NUP153: variants seen among roughly 807,000 people sequenced by gnomAD.
NUP153 encodes the protein nuclear pore complex protein Nup153.
In NUP153, 27 loss-of-function variants were observed where a neutral mutation model predicts 134.6. The observed-to-expected ratio is 0.20, with a 90% CI of 0.15 to 0.28. The LOEUF (loss-of-function observed/expected upper bound fraction) is 0.28, where lower values mean the gene tolerates loss of function less well. Among genes scored for constraint, NUP153 ranks in the 10% least tolerant of loss-of-function variants. NUP153 has a pLI of 1.00. For synonymous variants in NUP153, 640 were observed against 623.5 expected, an observed-to-expected ratio of 1.03 and a Z score of -0.40; for missense variants, 1,821 against 1,731.3, an observed-to-expected ratio of 1.05 and a Z score of -0.92.
chr6:17,639,222 T>C (rs140178850), intron 15 of NUP153, among the ~76,000 whole-genome samples: 1,645 of 152,012 alleles, frequency 0.011, 33 homozygotes, highest in African/African-American at 0.036. Flanking sequence ...GAACTACAGG[T>C]GCATGCCAGG....
rs544739076 is a variant in NUP153, at chr6:17,675,547, A to G, written c.558T>C (p.Gly186=). ...HDDDNISTTS[G]FSSRASDKDI... is the part of the protein sequence containing the mutation. The stretch of plus-strand genomic sequence containing the variant: ...CTTTATCAGAAGCTCTTGAAGAAAA[A>G]CCACTGGTAGTTGAGATGTTATCAT... The change falls in exon 3 of 22, where the codon GGT becomes GGC. Residue 186 remains glycine, a synonymous_variant. Transcript: ENST00000262077. The surrounding 1 kb of genome is among the most constrained non-coding windows in gnomAD (Gnocchi z 4.4). The G allele has an allele frequency of 5.8e-5, 93 of 1,613,932 alleles. No individual in the cohort carries two copies. In the South Asian group the frequency reaches 9.9e-4, roughly 17 times the overall value.
chr6:17,683,450 A>G (rs989884059), intron 2 of NUP153, among the ~76,000 whole-genome samples: 1 of 152,216 alleles, frequency 6.6e-6, no homozygotes, highest in Non-Finnish European at 1.5e-5. Flanking sequence ...CTCTATGCAC[A>G]TCTCATTAGA....
intron 5 of NUP153, among the ~76,000 whole-genome samples, chr6:17,674,046 C>T (rs369107562): frequency 1.3e-5 from 2 of 152,220 alleles, no homozygotes; most frequent in East Asian, 3.9e-4. Context: ...ATCTCAAATG[C>T]ATTATGCTAA....
chr6:17,642,022 A>G (rs1765868156), intron 14 of NUP153, among the ~76,000 whole-genome samples: 2 of 152,214 alleles, frequency 1.3e-5, no homozygotes, highest in Non-Finnish European at 2.9e-5. Flanking sequence ...CAATTTAAAA[A>G]GTAGTAGGTA....
intron 21 of NUP153, 42 bp downstream of exon 21, chr6:17,616,485 T>C: frequency 6.4e-7 from 1 of 1,551,252 alleles, no homozygotes; most frequent in Non-Finnish European, 8.8e-7. Flanking sequence ...GCACATACCC[T>C]TACCAATGTA....
intron 1 of NUP153, among the ~76,000 whole-genome samples, chr6:17,693,245 C>T (rs985960455): frequency 1.3e-5 from 2 of 150,912 alleles, no homozygotes; most frequent in Non-Finnish European, 2.9e-5. Flanking sequence ...TGATGCTGTG[C>T]TGGTATCCAC....
At chr6:17,688,272 A>AT in intron 2 of NUP153, 124 bp downstream of exon 2, 1 of 667,374 alleles carries the variant, frequency 1.5e-6, no homozygotes, top group Non-Finnish European at 2.6e-6. Flanking sequence ...TTTGAACCTG[A>AT]TTATCATCCT....
intron 1 of NUP153, among the ~76,000 whole-genome samples, chr6:17,696,887 A>G (rs907347216): frequency 6.6e-6 from 1 of 152,256 alleles, no homozygotes; most frequent in African/African-American, 2.4e-5. Flanking sequence ...AGCCTGACCA[A>G]CATGGTGAAA....
rs181998324 is a variant in NUP153 at position 17,649,843 on chromosome 6, T to C, written c.1396-543A>G. The stretch of plus-strand genomic sequence containing the variant: ...TATGTATAAGAAAAAACACAGTATA[T>C]ACAGGGTTCAATATTATCTGCAGTT... On this transcript the variant is annotated intron_variant, in intron 11 of 21. Transcript: ENST00000262077. Among the ~76,000 whole-genome samples the C allele has an allele frequency of 3.7e-3, 563 of 152,342 alleles. 3 individuals are homozygous for C. The highest frequency in any genetic ancestry group is 5.6e-3 in the Non-Finnish European group (379 of 68,032).
At position 17,625,065 on chromosome 6, in the gene NUP153, C is replaced by G. The variant is rs571442314; in HGVS notation, c.3902-232G>C. ...ACAAAAACTGCAATTAACAACTACT[C>G]CACACCTTTACAGCCGACAATTTCT... is the stretch of plus-strand genomic sequence containing the variant. On this transcript the variant is annotated intron_variant, in intron 19 of 21. Transcript: ENST00000262077. The surrounding 1 kb of genome is among the most constrained non-coding windows in gnomAD (Gnocchi z 4.7). 4.6e-5 allele frequency among the ~76,000 whole-genome samples: 7 copies of G among 152,316 alleles called. No homozygotes were observed. Among genetic ancestry groups the G allele is most frequent in the African/African-American group, 1.7e-4 (7 of 41,576 alleles).
intron 11 of NUP153, 37 bp downstream of exon 11, chr6:17,661,616 A>G: frequency 6.3e-7 from 1 of 1,584,708 alleles, no homozygotes. Flanking sequence ...AATGCTTTTT[A>G]AATAAACCTC....
chr6:17,676,143 C>A (rs191917746), intron 2 of NUP153, among the ~76,000 whole-genome samples: 1 of 152,064 alleles, frequency 6.6e-6, no homozygotes, highest in Admixed American at 6.5e-5. Flanking sequence ...AAGTTTTACC[C>A]GTATTTTGAT....
chr6:17,681,560 C>T (rs576476659), intron 2 of NUP153, among the ~76,000 whole-genome samples: 7 of 152,042 alleles, frequency 4.6e-5, no homozygotes, highest in Admixed American at 6.6e-5. Flanking sequence ...CCAGCCTGGG[C>T]GACAGAGCCA....
chr6:17,649,040 T>C (rs1766366511), intron 12 of NUP153, 123 bp downstream of exon 12: 3 of 880,284 alleles, frequency 3.4e-6, no homozygotes, highest in Non-Finnish European at 4.9e-6. Context: ...TTTCCATTTC[T>C]CTGTTTACTA....
At chr6:17,643,898 G>A (rs1041179431) in intron 14 of NUP153, among the ~76,000 whole-genome samples, 11 of 152,056 alleles carry the variant, frequency 7.2e-5, no homozygotes, top group Admixed American at 1.3e-4. Context: ...ACATTTTAAT[G>A]CCTTTCCTCA....
chr6:17,656,194 G>A (rs1766813535), intron 11 of NUP153, among the ~76,000 whole-genome samples: 1 of 152,206 alleles, frequency 6.6e-6, no homozygotes, highest in Admixed American at 6.5e-5. Context: ...GACAGAGCAA[G>A]ACTCTGACAA....
chr6:17,678,264 G>A (rs546545766), intron 2 of NUP153, among the ~76,000 whole-genome samples: 9 of 147,644 alleles, frequency 6.1e-5, no homozygotes, highest in South Asian at 2.2e-4. Flanking sequence ...GCTGAAGCAC[G>A]AGAATTGCTT....
intron 14 of NUP153, 23 bp from the exon 15 acceptor site, chr6:17,640,087 A>G: frequency 6.6e-7 from 1 of 1,519,930 alleles, no homozygotes; most frequent in Non-Finnish European, 8.8e-7. Flanking sequence ...TAAATTTAAT[A>G]ACATTATGCC....
Position 17,625,307 on chromosome 6 carries a change from C to T in NUP153, c.3902-474G>A, listed in dbSNP as rs572948261. 6.6e-5 allele frequency among the ~76,000 whole-genome samples: 10 copies of T among 152,192 alleles called. No individual in the cohort carries two copies. Among genetic ancestry groups the T allele is most frequent in the African/African-American group, 1.7e-4 (7 of 41,530 alleles). ...ATCTCAGCACTTTGAAAGGCCGAGG[C>T]GGGCAAATCATGAGGTCAGGAATTC... On this transcript the variant is annotated intron_variant, in intron 19 of 21. Coordinates refer to ENST00000262077, the MANE Select transcript of NUP153 (RefSeq NM_005124.4). The surrounding 1 kb of genome is among the most constrained non-coding windows in gnomAD (Gnocchi z 4.7).
Sources: allele counts gnomAD v4.1 joint callset (sites outside exome capture counted in the v4.1 genomes callset), GRCh38; gene constraint gnomAD v4.1.1; non-coding constraint Gnocchi (gnomAD v3.1); transcripts MANE v1.5; gene names NCBI Gene and HGNC (gene_info 2026-07-23, HGNC 2026-07-21).